NF2: variants seen among roughly 807,000 people sequenced by gnomAD.
NF2 encodes NF2, moesin-ezrin-radixin like (MERLIN) tumor suppressor.
In NF2, 8 loss-of-function variants were observed where a neutral mutation model predicts 83.7. The observed-to-expected ratio is 0.10, with a 90% CI of 0.06 to 0.17. The LOEUF (loss-of-function observed/expected upper bound fraction) is 0.17, where lower values mean the gene tolerates loss of function less well. NF2 is among the 10% of genes least tolerant of loss of function. The pLI is 1.00. For missense variants in NF2, 533 were observed against 744.4 expected, an observed-to-expected ratio of 0.72 and a Z score of 3.31; for synonymous variants, 266 against 269.6, an observed-to-expected ratio of 0.99 and a Z score of 0.13.
chr22:29,610,487 A>G (rs529769368), intron 1 of NF2, among the ~76,000 whole-genome samples: 1 of 152,060 alleles, frequency 6.6e-6, no homozygotes, highest in Admixed American at 6.6e-5. Flanking sequence ...TACTAAAAAT[A>G]CAAAAATTAG....
At chr22:29,640,770 T>C (rs201265293) in intron 3 of NF2, among the ~76,000 whole-genome samples, 1 of 2,518 alleles carries the variant, frequency 4.0e-4, no homozygotes, top group Admixed American at 8.3e-3. Flanking sequence ...CTGGGGGGCG[T>C]GTGTGTGTGT....
In NF2 at chr22:29,698,404, G is replaced by C. The variant is rs1395309185; in HGVS notation, c.*3602G>C. On this transcript the variant is annotated 3_prime_UTR_variant, in exon 16 of 16. Transcript: ENST00000338641. ...TGGCAGGGAGACAGCCTGGCCCAGT[G>C]ACCCTGGGCCCAAGCCAGCCCCTCC... is the stretch of plus-strand genomic sequence containing the variant. 9.1e-6 allele frequency: 2 copies of C among 220,858 alleles called. No individual in the cohort carries two copies. The highest frequency in any genetic ancestry group is 9.1e-6 in the Non-Finnish European group (1 of 110,264). The allele number at this position is 220,858 out of a possible 1,614,324, so 13.7% of individuals were successfully genotyped here. A position where few individuals can be genotyped will look rare whatever the true frequency, so the allele number is the denominator to read the frequency against.
intron 9 of NF2, among the ~76,000 whole-genome samples, chr22:29,665,901 C>A (rs1341459315): frequency 1.3e-5 from 2 of 152,102 alleles, no homozygotes; most frequent in East Asian, 1.9e-4. Context: ...ATTCATCATC[C>A]TCTTGCTTTT....
intron 1 of NF2, among the ~76,000 whole-genome samples, chr22:29,628,360 G>A (rs2065422813): frequency 6.6e-6 from 1 of 152,132 alleles, no homozygotes; most frequent in African/African-American, 2.4e-5. Flanking sequence ...GAAAGGTCTA[G>A]TTACAAATAA....
chr22:29,684,397 C>T (rs2067223727), intron 15 of NF2, among the ~76,000 whole-genome samples: 1 of 152,118 alleles, frequency 6.6e-6, no homozygotes, highest in Non-Finnish European at 1.5e-5. Flanking sequence ...ACCATGGGGG[C>T]AAGCAGAAAA....
Position 29,673,598 on chromosome 22 carries a change from C to T in NF2, c.1340+112C>T, listed in dbSNP as rs1288314127. On this transcript the variant is annotated intron_variant, in intron 12 of 15. Transcript: ENST00000338641. ...TGTCCTCAAGCTGCTTGCCCATCTT[C>T]TGGGCCGTGGGGAGGCTCCTCCTTG... The T allele has an allele frequency of 5.7e-6, 7 of 1,220,490 alleles. No individual in the cohort carries two copies. The Admixed American group carries it at 1.0e-4, about 17-fold the overall frequency. 75.6% of individuals were successfully genotyped at this position (1,220,490 alleles called of 1,614,324 possible).
intron 2 of NF2, among the ~76,000 whole-genome samples, chr22:29,638,781 C>G (rs2065719687): frequency 6.6e-6 from 1 of 152,210 alleles, no homozygotes; most frequent in Admixed American, 6.5e-5. Context: ...GTGTCCAAGA[C>G]TGCTGAGTGA....
At chr22:29,687,791 A>G (rs1013623793) in intron 15 of NF2, among the ~76,000 whole-genome samples, 13 of 152,184 alleles carry the variant, frequency 8.5e-5, no homozygotes, top group African/African-American at 3.1e-4. Flanking sequence ...GGAAAGAAAA[A>G]GGAGTGGGGA....
In NF2 at chr22:29,694,386, G is replaced by A. The variant is rs774626725; in HGVS notation, c.1738-366G>A. Among the ~76,000 whole-genome samples, 5 of 152,190 alleles carry A rather than the reference G, an allele frequency of 3.3e-5. No homozygotes were observed. Among genetic ancestry groups the A allele is most frequent in the African/African-American group, 2.4e-5 (1 of 41,454 alleles). ...GGGATGAGCAGCCTCAGCTGGTGCC[G>A]CCACAGACAGCACACCACAGAGGTG... On this transcript the variant is annotated intron_variant, in intron 15 of 15. Coordinates refer to ENST00000338641, the MANE Select transcript of NF2 (RefSeq NM_000268.4). This position sits in a 1 kb window ranked among gnomAD's most constrained non-coding sequence, Gnocchi z 4.1.
intron 13 of NF2, 65 bp downstream of exon 13, chr22:29,675,006 CT>C: frequency 7.1e-7 from 1 of 1,400,136 alleles, no homozygotes; most frequent in Non-Finnish European, 9.9e-7. Flanking sequence ...CCTCCCGGCC[CT>C]TCAGTTCATC....
chr22:29,676,764 G>A (rs1297702688), intron 13 of NF2, among the ~76,000 whole-genome samples: 2 of 152,156 alleles, frequency 1.3e-5, no homozygotes, highest in African/African-American at 4.8e-5. Flanking sequence ...GAACTGTGGG[G>A]TCAAATTTTC....
At chr22:29,658,889 C>G (rs1433166162) in intron 7 of NF2, among the ~76,000 whole-genome samples, 1 of 152,046 alleles carries the variant, frequency 6.6e-6, no homozygotes, top group Non-Finnish European at 1.5e-5. Context: ...ATGCGATTTG[C>G]CAAAGCATTT....
chr22:29,613,168 A>C (rs1010074825), intron 1 of NF2, among the ~76,000 whole-genome samples: 5 of 152,174 alleles, frequency 3.3e-5, no homozygotes, highest in Admixed American at 1.3e-4. Context: ...CAATAGCTAA[A>C]TCTTGAAAAA....
At chr22:29,618,760 A>T (rs927994006) in intron 1 of NF2, among the ~76,000 whole-genome samples, 1 of 152,250 alleles carries the variant, frequency 6.6e-6, no homozygotes, top group East Asian at 1.9e-4. Context: ...ATGTTTTCAC[A>T]TACCTAAGTG....
In NF2 at chr22:29,694,757, C is replaced by A; in HGVS notation, c.1743C>A (p.Thr581=). 6.2e-7 allele frequency: 1 copy of A among 1,613,874 alleles called. No homozygotes were observed. Among genetic ancestry groups the A allele is most frequent in the Non-Finnish European group, 8.5e-7 (1 of 1,179,910 alleles). The stretch of plus-strand genomic sequence containing the variant: ...TCTTCTCTGCTTTCTTACAGCTCAC[C>A]TTGCAGAGCGCCAAGTCCCGAGTGG... ...SSKHNTIKKL[T]LQSAKSRVAF... is the part of the protein sequence containing the mutation. The change falls in exon 16 of 16, where the codon ACC becomes ACA. Residue 581 remains threonine (T), a synonymous_variant. Transcript: ENST00000338641. This position sits in a 1 kb window ranked among gnomAD's most constrained non-coding sequence, Gnocchi z 4.1.
chr22:29,682,833 G>A (rs539052575), intron 15 of NF2: 1 of 687,110 alleles, frequency 1.5e-6, no homozygotes, highest in South Asian at 1.7e-5. Context: ...GCTGCAATGA[G>A]CAGTGCCCTC....
intron 15 of NF2, among the ~76,000 whole-genome samples, chr22:29,684,746 T>G (rs1454011381): frequency 2.6e-5 from 4 of 152,214 alleles, no homozygotes; most frequent in African/African-American, 9.7e-5. Flanking sequence ...GACTTGATGT[T>G]TAATGGGACA....
Position 29,673,389 on chromosome 22 carries a change from A to G in NF2, c.1243A>G (p.Thr415Ala), listed in dbSNP as rs776970251. The stretch of plus-strand genomic sequence containing the variant: ...GCAGGAAATGCAGCGCATCAAGGCC[A>G]CAGCGATTCGCACGGAGGAGGAGAA... The part of the protein sequence containing the change: ...AEQEMQRIKA[T>A]AIRTEEEKRL... The change falls in exon 12 of 16, where the codon ACA (threonine) becomes GCA (alanine). Residue 415 changes from threonine to alanine, a missense_variant. Transcript: ENST00000338641. The G allele has an allele frequency of 3.7e-6, 6 of 1,612,054 alleles. No homozygotes were observed. The highest frequency in any genetic ancestry group is 2.2e-5 in the East Asian group (1 of 44,828).
Position 29,638,043 on chromosome 22 carries a change from C to T in NF2, c.241-1047C>T, listed in dbSNP as rs930858916. 2.0e-5 allele frequency among the ~76,000 whole-genome samples: 3 copies of T among 152,236 alleles called. No individual in the cohort carries two copies. In the East Asian group the frequency reaches 5.8e-4, roughly 29 times the overall value. ...ATATTAGACTGGGGGCATCAGGAGC[C>T]GTGGAACTTGCTGCTCAAGGGAAAT... is the stretch of plus-strand genomic sequence containing the variant. On this transcript the variant is annotated intron_variant, in intron 2 of 15. Coordinates refer to ENST00000338641, the MANE Select transcript of NF2 (RefSeq NM_000268.4).
Sources: allele counts gnomAD v4.1 joint callset (sites outside exome capture counted in the v4.1 genomes callset), GRCh38; gene constraint gnomAD v4.1.1; non-coding constraint Gnocchi (gnomAD v3.1); transcripts MANE v1.5; gene names NCBI Gene and HGNC (gene_info 2026-07-23, HGNC 2026-07-21).